LOC128462377: variants seen among roughly 807,000 people sequenced by gnomAD.
At chr16:89,416,504 G>A in the LOC128462377 span, among the ~76,000 whole-genome samples, 5 of 152,152 alleles carry the variant, frequency 3.3e-5, no homozygotes, top group African/African-American at 7.2e-5. Context: ...TCACCATGTT[G>A]GCAGGCTGGT....
chr16:89,323,585 AGGGCAGGGGGGCTGAGCCCG>A, the LOC128462377 span, among the ~76,000 whole-genome samples: 2 of 56,850 alleles, frequency 3.5e-5, no homozygotes, highest in African/African-American at 1.2e-4. Flanking sequence ...GGCTAAGCCC[AGGGCAGGGGGGCTGAGCCCG>A]GGGCAGGGGA....
At chr16:89,327,447 G>T in the LOC128462377 span, among the ~76,000 whole-genome samples, 1 of 152,284 alleles carries the variant, frequency 6.6e-6, no homozygotes, top group Non-Finnish European at 1.5e-5. Context: ...TCTGAAGATG[G>T]TGTAAGTGTC....
At chr16:89,320,473 C>CCG in the LOC128462377 span, 1 of 152,208 alleles carries the variant, frequency 6.6e-6, no homozygotes, top group Admixed American at 6.5e-5. Context: ...CAAGGCACAG[C>CCG]CGCGGGAAGG....
the LOC128462377 span, among the ~76,000 whole-genome samples, chr16:89,367,170 G>A: frequency 1.3e-5 from 2 of 152,234 alleles, no homozygotes; most frequent in South Asian, 4.1e-4. Flanking sequence ...GGCACCTCAG[G>A]GGGACAGTCC....
the LOC128462377 span, among the ~76,000 whole-genome samples, chr16:89,402,882 G>C: frequency 4.6e-5 from 7 of 151,922 alleles, no homozygotes; most frequent in East Asian, 9.7e-4. Context: ...AGGCTCTCCC[G>C]GGGGAAGGAG....
chr16:89,354,029 G>A, the LOC128462377 span, among the ~76,000 whole-genome samples: 1 of 152,082 alleles, frequency 6.6e-6, no homozygotes, highest in Non-Finnish European at 1.5e-5. Context: ...TAATTGATGG[G>A]AGCCAGAGCA....
At chr16:89,362,377 C>T in the LOC128462377 span, among the ~76,000 whole-genome samples, 1 of 152,184 alleles carries the variant, frequency 6.6e-6, no homozygotes, top group African/African-American at 2.4e-5. Flanking sequence ...AGAACCAAAA[C>T]CTGAGCTGGA....
the LOC128462377 span, among the ~76,000 whole-genome samples, chr16:89,391,264 AG>A: frequency 6.8e-6 from 1 of 148,098 alleles, no homozygotes; most frequent in African/African-American, 2.5e-5. Flanking sequence ...GAACCCAAGG[AG>A]GGGTCACGGA....
chr16:89,410,398 T>C, the LOC128462377 span, among the ~76,000 whole-genome samples: 3,964 of 152,220 alleles, frequency 0.026, 174 homozygotes, highest in African/African-American at 0.091. Flanking sequence ...GAAATGGAGA[T>C]AATAAACAGA....
the LOC128462377 span, among the ~76,000 whole-genome samples, chr16:89,396,627 G>A: frequency 1.3e-5 from 2 of 152,082 alleles, no homozygotes; most frequent in Non-Finnish European, 2.9e-5. Flanking sequence ...CTTCTATGAA[G>A]CCACACATTA....
chr16:89,380,709 C>A, the LOC128462377 span, among the ~76,000 whole-genome samples: 1 of 152,376 alleles, frequency 6.6e-6, no homozygotes, highest in East Asian at 1.9e-4. Flanking sequence ...TACCTGCCTG[C>A]TTTCCAGGGA....
the LOC128462377 span, among the ~76,000 whole-genome samples, chr16:89,396,374 C>T: frequency 9.9e-5 from 15 of 152,148 alleles, no homozygotes; most frequent in African/African-American, 3.1e-4. Context: ...GCGACGGAGC[C>T]GCACTCGCCG....
the LOC128462377 span, among the ~76,000 whole-genome samples, chr16:89,356,075 G>C: frequency 6.6e-6 from 1 of 152,146 alleles, no homozygotes; most frequent in Non-Finnish European, 1.5e-5. Context: ...AGTGAGACTT[G>C]TCTCAAAACA....
chr16:89,349,296 C>T, the LOC128462377 span, among the ~76,000 whole-genome samples: 11 of 151,778 alleles, frequency 7.2e-5, no homozygotes, highest in African/African-American at 2.7e-4. Context: ...TGGGAGAACA[C>T]GGTGAAACCC....
the LOC128462377 span, among the ~76,000 whole-genome samples, chr16:89,321,950 C>G: frequency 1.8e-4 from 28 of 152,310 alleles, no homozygotes; most frequent in African/African-American, 6.3e-4. Flanking sequence ...CTGCGCGAGG[C>G]TTAAGTCTAT....
chr16:89,345,341 C>A, the LOC128462377 span, among the ~76,000 whole-genome samples: 1 of 150,016 alleles, frequency 6.7e-6, no homozygotes, highest in Non-Finnish European at 1.5e-5. Context: ...AGTGCCGACA[C>A]CCCCCGGCAC....
the LOC128462377 span, among the ~76,000 whole-genome samples, chr16:89,411,705 G>A: frequency 6.6e-6 from 1 of 151,884 alleles, no homozygotes; most frequent in East Asian, 1.9e-4. Flanking sequence ...GTTTACATTC[G>A]GAACCCACCA....
the LOC128462377 span, among the ~76,000 whole-genome samples, chr16:89,356,527 T>C: frequency 6.6e-6 from 1 of 151,592 alleles, no homozygotes; most frequent in East Asian, 1.9e-4. Flanking sequence ...ATCCCAGCTC[T>C]TTGGGAGGCC....
the LOC128462377 span, chr16:89,319,919 T>A: frequency 2.6e-5 from 4 of 152,606 alleles, no homozygotes; most frequent in African/African-American, 9.6e-5. Context: ...TCTGGCACCT[T>A]TGGCCCCCAC....
Sources: gnomAD v4.1 joint callset for allele counts (sites outside exome capture counted in the v4.1 genomes callset) on GRCh38, gnomAD v4.1.1 for gene constraint, MANE v1.5 for transcripts.